The following MACROD2 variants were observed in gnomAD, a reference collection of about 807,000 sequenced individuals.
The protein encoded by MACROD2 is mono-ADP ribosylhydrolase 2.
Under a neutral mutation model 70.4 loss-of-function variants are expected in MACROD2, and 36 were observed. The observed-to-expected ratio is 0.51, with a 90% CI of 0.39 to 0.68. The LOEUF (loss-of-function observed/expected upper bound fraction) is 0.68, where lower values mean the gene tolerates loss of function less well. Ranked by LOEUF, MACROD2 falls within the 30% of genes least tolerant of loss-of-function variation. MACROD2 has a pLI of 0.00. For missense variants in MACROD2, 496 were observed against 538.4 expected, an observed-to-expected ratio of 0.92 and a Z score of 0.78; for synonymous variants, 172 against 178.8, an observed-to-expected ratio of 0.96 and a Z score of 0.30.
chr20:14,229,686 A>G (rs1345231055), intron 3 of MACROD2, among the ~76,000 whole-genome samples: 1 of 152,192 alleles, frequency 6.6e-6, no homozygotes, highest in East Asian at 1.9e-4. Flanking sequence ...TTACTGTATG[A>G]TCCAGCACAC....
chr20:14,524,995 T>C (rs888160156), intron 4 of MACROD2, among the ~76,000 whole-genome samples: 1 of 152,138 alleles, frequency 6.6e-6, no homozygotes, highest in African/African-American at 2.4e-5. Context: ...AGAGCCCCCA[T>C]TTTCTTATCT....
chr20:14,187,347 A>C (rs547824467), intron 3 of MACROD2, among the ~76,000 whole-genome samples: 2 of 152,192 alleles, frequency 1.3e-5, no homozygotes, highest in Non-Finnish European at 2.9e-5. Flanking sequence ...ACAGTTTACA[A>C]TTGAAGCAGA....
chr20:15,829,447 C>G (rs2064031197), intron 8 of MACROD2, among the ~76,000 whole-genome samples: 1 of 152,096 alleles, frequency 6.6e-6, no homozygotes, highest in South Asian at 2.1e-4. Flanking sequence ...AAACACAAAT[C>G]ATTCATCCAG....
At chr20:14,211,525 C>T (rs187465493) in intron 3 of MACROD2, among the ~76,000 whole-genome samples, 1 of 152,130 alleles carries the variant, frequency 6.6e-6, no homozygotes, top group Admixed American at 6.5e-5. Context: ...TTTATACCTC[C>T]AGATTCACTG....
chr20:14,493,760 C>T (rs1010240470), intron 4 of MACROD2: 18 of 326,954 alleles, frequency 5.5e-5, no homozygotes, highest in Non-Finnish European at 8.7e-5. Context: ...TAAGGTGTAA[C>T]AGCTATAAGC....
chr20:14,061,633 T>A (rs761103588), intron 2 of MACROD2, among the ~76,000 whole-genome samples: 2 of 152,150 alleles, frequency 1.3e-5, no homozygotes, highest in Non-Finnish European at 2.9e-5. Flanking sequence ...ATTTCATAAT[T>A]TTCCTTAAAT....
chr20:15,321,923 T>C lies in MACROD2; in HGVS notation c.540+91862T>C, dbSNP rs968927921. 1.5e-4 allele frequency among the ~76,000 whole-genome samples: 22 copies of C among 143,224 alleles called. 1 individual carries two copies. The highest frequency in any genetic ancestry group is 5.5e-4 in the African/African-American group (22 of 40,076). 94.0% of individuals were successfully genotyped at this position (143,224 alleles called of 152,430 possible). ...TTCTCCTACCTCAGCCTCCCAAGTATCTGGGACTACAGGCACATGCCACCA... is the reference window on the plus strand; with the variant it reads ...TTCTCCTACCTCAGCCTCCCAAGTACCTGGGACTACAGGCACATGCCACCA... On this transcript the variant is annotated intron_variant, in intron 6 of 17. Coordinates refer to ENST00000684519, the MANE Select transcript of MACROD2 (RefSeq NM_001351661.2).
intron 6 of MACROD2, among the ~76,000 whole-genome samples, chr20:15,348,413 C>T (rs1371416955): frequency 1.3e-5 from 2 of 152,178 alleles, no homozygotes; most frequent in Non-Finnish European, 2.9e-5. Flanking sequence ...TCTTTTCTAG[C>T]AGCAATTAAT....
chr20:14,889,753 C>G lies in MACROD2; in HGVS notation c.418+204794C>G, dbSNP rs184231025. Among the ~76,000 whole-genome samples, 641 of 152,256 alleles carry G rather than the reference C, an allele frequency of 4.2e-3. 21 individuals carry two copies. The East Asian group carries it at 0.053, about 13-fold the overall frequency. On this transcript the variant is annotated intron_variant, in intron 5 of 17. Coordinates refer to ENST00000684519, the MANE Select transcript of MACROD2 (RefSeq NM_001351661.2). ...GGCAGATTATGTAGGGCCTTGGAGG[C>G]AGCTGTAAGACATCTGGGTTTAATT...
At chr20:14,382,021 T>C (rs2083424867) in intron 3 of MACROD2, among the ~76,000 whole-genome samples, 1 of 152,054 alleles carries the variant, frequency 6.6e-6, no homozygotes, top group Non-Finnish European at 1.5e-5. Flanking sequence ...AGGATATTGC[T>C]TTGTTTGTTT....
chr20:15,682,748 C>T (rs537166021), intron 8 of MACROD2, among the ~76,000 whole-genome samples: 7 of 152,264 alleles, frequency 4.6e-5, no homozygotes, highest in South Asian at 4.2e-4. Flanking sequence ...AAAGCATCTG[C>T]GGTTAATGGC....
At chr20:15,730,132 G>A (rs1221293782) in intron 8 of MACROD2, among the ~76,000 whole-genome samples, 1 of 152,032 alleles carries the variant, frequency 6.6e-6, no homozygotes, top group Non-Finnish European at 1.5e-5. Flanking sequence ...CCAGCCACTG[G>A]GTCATGTTTC....
At chr20:15,957,776 C>T (rs6074980) in intron 12 of MACROD2, among the ~76,000 whole-genome samples, 15,179 of 152,144 alleles carry the variant, frequency 0.1, 907 homozygotes, top group East Asian at 0.26. Flanking sequence ...TCTCCCAACA[C>T]GGTGGCCATC....
chr20:14,642,237 A>G (rs1215413520), intron 4 of MACROD2, among the ~76,000 whole-genome samples: 1 of 152,172 alleles, frequency 6.6e-6, no homozygotes, highest in African/African-American at 2.4e-5. Context: ...ACTTCATAGA[A>G]TAGAAGAGAG....
At chr20:14,773,287 A>G (rs1420122833) in intron 5 of MACROD2, among the ~76,000 whole-genome samples, 3 of 152,074 alleles carry the variant, frequency 2.0e-5, no homozygotes, top group Admixed American at 2.0e-4. Flanking sequence ...TATGCAATAA[A>G]TTCTCCCAAA....
chr20:15,642,370 T>C (rs920254760), intron 8 of MACROD2, among the ~76,000 whole-genome samples: 4 of 152,138 alleles, frequency 2.6e-5, no homozygotes, highest in Non-Finnish European at 5.9e-5. Flanking sequence ...CCAGCAACCA[T>C]TTCCCATTCT....
At chr20:14,486,610 C>G (rs2327853) in intron 3 of MACROD2, among the ~76,000 whole-genome samples, 16 of 151,002 alleles carry the variant, frequency 1.1e-4, no homozygotes, top group African/African-American at 3.9e-4. Flanking sequence ...ACCTCCACCT[C>G]CTGGGTTCAA....
chr20:14,210,352 A>G (rs1680453364), intron 3 of MACROD2, among the ~76,000 whole-genome samples: 1 of 152,246 alleles, frequency 6.6e-6, no homozygotes, highest in Non-Finnish European at 1.5e-5. Flanking sequence ...AGCTAAAAGT[A>G]GGAACCTATG....
At chr20:15,240,825 C>G (rs1299107407) in intron 6 of MACROD2, among the ~76,000 whole-genome samples, 1 of 152,156 alleles carries the variant, frequency 6.6e-6, no homozygotes. Flanking sequence ...GGCCTTGCTT[C>G]CCCTGACTCT....
Sources: allele counts gnomAD v4.1 joint callset (sites outside exome capture counted in the v4.1 genomes callset), GRCh38; gene constraint gnomAD v4.1.1; transcripts MANE v1.5; gene names NCBI Gene and HGNC (gene_info 2026-07-23, HGNC 2026-07-21).